MED12L: variants seen among roughly 807,000 people sequenced by gnomAD.
MED12L encodes the protein mediator complex subunit 12L.
Under a neutral mutation model 281.3 loss-of-function variants are expected in MED12L, and 60 were observed. The observed-to-expected ratio is 0.21, with a 90% CI of 0.17 to 0.26. The LOEUF is 0.26. MED12L is among the 10% of genes least tolerant of loss of function. MED12L has a pLI of 1.00. For missense variants in MED12L, 2,146 were observed against 2,680.9 expected, an observed-to-expected ratio of 0.80 and a Z score of 4.41; for synonymous variants, 974 against 987.2, an observed-to-expected ratio of 0.99 and a Z score of 0.25.
At chr3:151,291,980 A>G (rs529390033) in intron 16 of MED12L, among the ~76,000 whole-genome samples, 23 of 152,338 alleles carry the variant, frequency 1.5e-4, no homozygotes, top group Middle Eastern at 3.4e-3. Context: ...ATGCCTAGTA[A>G]CTATATAGCA....
chr3:151,130,456 G>A (rs1715213833), intron 5 of MED12L, among the ~76,000 whole-genome samples: 1 of 152,146 alleles, frequency 6.6e-6, no homozygotes, highest in Admixed American at 6.5e-5. Flanking sequence ...TCTATGGCAG[G>A]GTTTTAGCCA....
At chr3:151,210,954 G>A (rs1398536025) in intron 16 of MED12L, among the ~76,000 whole-genome samples, 6 of 152,148 alleles carry the variant, frequency 3.9e-5, no homozygotes, top group Non-Finnish European at 7.4e-5. Flanking sequence ...GAACACTGGC[G>A]TGCCTGCACT....
chr3:151,192,789 AC>A, intron 15 of MED12L, 135 bp downstream of exon 15: 1 of 680,522 alleles, frequency 1.5e-6, no homozygotes, highest in East Asian at 2.7e-5. Context: ...TTCCTTTGGT[AC>A]AATTATCATC....
chr3:151,377,961 G>T, intron 30 of MED12L, 51 bp from the exon 31 acceptor site: 1 of 1,505,530 alleles, frequency 6.6e-7, no homozygotes, highest in South Asian at 1.3e-5. Flanking sequence ...ATAACTGTGA[G>T]AGCAGGGGAA....
rs1210921859 is a variant in MED12L, at chr3:151,380,191, C to T, written c.4557C>T (p.Gly1519=). The change falls in exon 32 of 45, where the codon GGC becomes GGT. Residue 1519 remains glycine, a synonymous_variant. Coordinates refer to ENST00000687756, the MANE Select transcript of MED12L (RefSeq NM_001393769.1). Reference sequence around the variant, plus strand: ...AGGGACAAGATGAACAAAGGGAAGGCCTCCTAACATCTCTCCAGAATCAAG... The same window carrying T: ...AGGGACAAGATGAACAAAGGGAAGGTCTCCTAACATCTCTCCAGAATCAAG... The part of the protein sequence containing the change: ...CLKGQDEQRE[G]LLTSLQNQVN... 2 of 1,609,458 alleles carry T rather than the reference C, an allele frequency of 1.2e-6. No individual in the cohort carries two copies. The highest frequency in any genetic ancestry group is 2.7e-5 in the African/African-American group (2 of 74,572).
At chr3:151,267,296 A>G (rs1053066174) in intron 16 of MED12L, among the ~76,000 whole-genome samples, 2 of 152,230 alleles carry the variant, frequency 1.3e-5, no homozygotes, top group Non-Finnish European at 2.9e-5. Flanking sequence ...ATGAAGTGCT[A>G]TTAAGGAAAT....
intron 4 of MED12L, among the ~76,000 whole-genome samples, chr3:151,125,816 A>C (rs1396510899): frequency 2.0e-5 from 3 of 152,082 alleles, no homozygotes; most frequent in Admixed American, 1.3e-4. Context: ...GTTCCTGTTA[A>C]GTTGTATCTT....
At chr3:151,264,303 T>A (rs544283740) in intron 16 of MED12L, among the ~76,000 whole-genome samples, 7 of 152,250 alleles carry the variant, frequency 4.6e-5, no homozygotes, top group Non-Finnish European at 4.4e-5. Context: ...AAAAAGAGTT[T>A]GTGCTCACTT....
chr3:151,321,494 T>C (rs1290916137), intron 16 of MED12L, among the ~76,000 whole-genome samples: 1 of 152,172 alleles, frequency 6.6e-6, no homozygotes, highest in African/African-American at 2.4e-5. Flanking sequence ...ATAAAGTCAA[T>C]ACATAAAGCT....
At chr3:151,173,455 A>T (rs986793916) in intron 11 of MED12L, among the ~76,000 whole-genome samples, 1 of 152,250 alleles carries the variant, frequency 6.6e-6, no homozygotes, top group Non-Finnish European at 1.5e-5. Flanking sequence ...TGGAAAAAAG[A>T]GGAAGACACC....
chr3:151,431,479 A>G (rs78381363), intron 44 of MED12L, among the ~76,000 whole-genome samples: 4,276 of 152,262 alleles, frequency 0.028, 194 homozygotes, highest in African/African-American at 0.097. Flanking sequence ...TTCTTTAAAA[A>G]TATTTTCCTC....
chr3:151,184,726 T>G (rs6802229), intron 11 of MED12L, among the ~76,000 whole-genome samples: 11,813 of 152,256 alleles, frequency 0.078, 1,075 homozygotes, highest in African/African-American at 0.21. Context: ...GCTGCTGTCC[T>G]TGGTTGACTG....
intron 16 of MED12L, among the ~76,000 whole-genome samples, chr3:151,225,459 A>G (rs1242039116): frequency 6.6e-6 from 1 of 152,164 alleles, no homozygotes; most frequent in Non-Finnish European, 1.5e-5. Flanking sequence ...ACCAAGAGAA[A>G]AAGAGGGCCA....
At chr3:151,393,311 T>C (rs543053931) in intron 38 of MED12L, among the ~76,000 whole-genome samples, 42 of 152,320 alleles carry the variant, frequency 2.8e-4, no homozygotes, top group African/African-American at 9.9e-4. Context: ...TTTCATTCTT[T>C]AGAGGCTTTG....
At chr3:151,223,973 T>C (rs770087130) in intron 16 of MED12L, among the ~76,000 whole-genome samples, 1 of 152,236 alleles carries the variant, frequency 6.6e-6, no homozygotes, top group Non-Finnish European at 1.5e-5. Flanking sequence ...GGTTGGACTT[T>C]GCTGTATCTG....
At chr3:151,318,105 A>G (rs1417789605) in intron 16 of MED12L, among the ~76,000 whole-genome samples, 1 of 151,922 alleles carries the variant, frequency 6.6e-6, no homozygotes, top group East Asian at 1.9e-4. Flanking sequence ...CTGCTTCCTA[A>G]CCATACAAAA....
chr3:151,197,432 GCCA>G (rs1724821965), intron 16 of MED12L, among the ~76,000 whole-genome samples: 1 of 152,144 alleles, frequency 6.6e-6, no homozygotes. Context: ...AAGTGTGTGA[GCCA>G]CCACGCCCGG....
chr3:151,329,515 AT>A, intron 16 of MED12L: 1 of 1,548,414 alleles, frequency 6.5e-7, no homozygotes, highest in Non-Finnish European at 8.7e-7. Flanking sequence ...CTGTCTTCTT[AT>A]GGCGGCAGTC....
chr3:151,371,812 T>TA (rs1405709656), intron 26 of MED12L, among the ~76,000 whole-genome samples: 1 of 152,234 alleles, frequency 6.6e-6, no homozygotes, highest in East Asian at 1.9e-4. Flanking sequence ...TAAAATATGA[T>TA]AGTTATTTGT....
Sources: gnomAD v4.1 joint callset for allele counts (sites outside exome capture counted in the v4.1 genomes callset) on GRCh38, gnomAD v4.1.1 for gene constraint, MANE v1.5 for transcripts, NCBI Gene and HGNC (gene_info 2026-07-23, HGNC 2026-07-21) for gene names.